The following NALCN variants were observed in gnomAD, a reference collection of about 807,000 sequenced individuals.
The protein encoded by NALCN is sodium leak channel, non-selective, also known as sodium leak channel NALCN.
NALCN carries 111 observed loss-of-function variants against 225.3 expected under a neutral mutation model. That is an observed-to-expected ratio of 0.49 (90% confidence interval 0.42 to 0.58). NALCN has a LOEUF of 0.58. NALCN is among the 20% of genes least tolerant of loss of function. NALCN has a pLI of 0.00. For missense variants in NALCN, 1,378 were observed against 2,202.4 expected (o/e 0.63, Z 7.49); for synonymous variants, 764 against 769.0 (o/e 0.99, Z 0.11).
chr13:101,120,977 C>T lies in NALCN; in HGVS notation c.2192+3631G>A, dbSNP rs114869464. On this transcript the variant is annotated intron_variant, in intron 18 of 43. Coordinates refer to ENST00000251127, the MANE Select transcript of NALCN (RefSeq NM_052867.4). ...AAACCCAAAACCTTACATATATCCA[C>T]CTCTCACTTATCCCTTCTGAGACAT... Among the ~76,000 whole-genome samples, 1,280 of 152,328 alleles carry T rather than the reference C, an allele frequency of 8.4e-3. 26 individuals are homozygous for T. Among genetic ancestry groups the T allele is most frequent in the African/African-American group, 0.028 (1,170 of 41,584 alleles).
intron 12 of NALCN, among the ~76,000 whole-genome samples, chr13:101,230,073 A>ACCTT (rs375039003): frequency 2.2e-4 from 33 of 152,188 alleles, no homozygotes; most frequent in African/African-American, 7.5e-4. Context: ...GCATACAACT[A>ACCTT]CCTTCAGGGA....
intron 15 of NALCN, among the ~76,000 whole-genome samples, chr13:101,171,326 A>C (rs944665873): frequency 4.0e-5 from 6 of 148,830 alleles, no homozygotes; most frequent in South Asian, 2.1e-4. Flanking sequence ...ATACGTATAG[A>C]TATTACATAT....
rs1451831756 is a variant in NALCN at position 101,229,578 on chromosome 13, G to A, written c.1441C>T (p.Arg481Ter). The A allele has an allele frequency of 5.7e-6, 9 of 1,580,056 alleles. No individual in the cohort carries two copies. Among genetic ancestry groups the A allele is most frequent in the African/African-American group, 1.4e-5 (1 of 73,526 alleles). Residue 481 changes from arginine (R) to a stop codon, truncating the protein, a stop_gained, in exon 13 of 44, where the codon CGA (arginine) becomes TGA (stop). Coordinates refer to ENST00000251127, the MANE Select transcript of NALCN (RefSeq NM_052867.4). LOFTEE classifies it high-confidence loss of function. ...HSQFTYFQVL[R>*]VVRLIKISPA... ...GAAATCTTAATCAGCCGAACTACTC[G>A]GAGAACCTATCAAGGGAGAGAGAAA...
At chr13:101,413,750 T>C (rs925909930) in intron 1 of NALCN, among the ~76,000 whole-genome samples, 4 of 151,404 alleles carry the variant, frequency 2.6e-5, no homozygotes, top group Admixed American at 1.3e-4. Context: ...ATTCAAAAAA[T>C]CAATTAAAAA....
chr13:101,095,535 C>T, intron 28 of NALCN, 39 bp downstream of exon 28: 2 of 1,514,494 alleles, frequency 1.3e-6, no homozygotes, highest in Non-Finnish European at 1.8e-6. Context: ...TACTGACAAA[C>T]ACACCATTCT....
Position 101,104,542 on chromosome 13 carries a change from T to C in NALCN, c.2745A>G (p.Ala915=). The C allele has an allele frequency of 6.2e-7, 1 of 1,613,982 alleles. No homozygotes were observed. ...CGGTAAGCGGTACCTGCAAAGTAGG[T>C]GCATGCATGACTCTTCGAAACGGGG... The part of the protein sequence containing the change: ...FESPFRRVMH[A]PTLQIAEYVF... The change falls in exon 24 of 44, where the codon GCA becomes GCG. Residue 915 remains alanine, a synonymous_variant. Transcript: ENST00000251127. The surrounding 1 kb of genome is among the most constrained non-coding windows in gnomAD (Gnocchi z 4.2).
intron 11 of NALCN, among the ~76,000 whole-genome samples, chr13:101,243,079 T>G (rs1312210689): frequency 2.7e-5 from 2 of 73,334 alleles, no homozygotes; most frequent in Admixed American, 1.4e-4. Context: ...GCTCTTTCAG[T>G]TTGCAGATTT....
chr13:101,395,912 A>T lies in NALCN; in HGVS notation c.109-547T>A, dbSNP rs1488314805. 2.6e-5 allele frequency among the ~76,000 whole-genome samples: 4 copies of T among 152,202 alleles called. No individual in the cohort carries two copies. The East Asian group carries it at 5.8e-4, about 22-fold the overall frequency. On this transcript the variant is annotated intron_variant, in intron 2 of 43. Coordinates refer to ENST00000251127, the MANE Select transcript of NALCN (RefSeq NM_052867.4). ...TTTTAAATGAATTGATATATAACAC[A>T]TCCCATATTTAGAATTTCCTTTCTA...
At chr13:101,086,357 C>T (rs982092680) in intron 30 of NALCN, among the ~76,000 whole-genome samples, 3 of 151,908 alleles carry the variant, frequency 2.0e-5, no homozygotes, top group Non-Finnish European at 2.9e-5. Context: ...ACCTATACCT[C>T]ATTAGTTTTT....
At chr13:101,101,827 C>T (rs190222195) in intron 26 of NALCN, among the ~76,000 whole-genome samples, 124 of 152,258 alleles carry the variant, frequency 8.1e-4, no homozygotes, top group Non-Finnish European at 9.0e-4. Context: ...ATAACCTAAA[C>T]ATATACCTAA....
At chr13:101,318,243 G>T (rs1175452350) in intron 7 of NALCN, among the ~76,000 whole-genome samples, 2 of 152,144 alleles carry the variant, frequency 1.3e-5, no homozygotes, top group Non-Finnish European at 2.9e-5. Context: ...GCCCACCAAG[G>T]TTGAGCCAGG....
At chr13:101,182,702 G>A (rs946947813) in intron 14 of NALCN, among the ~76,000 whole-genome samples, 1 of 152,106 alleles carries the variant, frequency 6.6e-6, no homozygotes, top group Non-Finnish European at 1.5e-5. Context: ...GTGATAAGGT[G>A]GCAACTGGCA....
At chr13:101,073,434 T>G in intron 37 of NALCN, 150 bp downstream of exon 37, 1 of 590,396 alleles carries the variant, frequency 1.7e-6, no homozygotes, top group Non-Finnish European at 2.8e-6. Flanking sequence ...TTGGAATGTA[T>G]AATAATGCAA....
At chr13:101,294,176 T>C (rs763627797) in intron 7 of NALCN, among the ~76,000 whole-genome samples, 4 of 152,198 alleles carry the variant, frequency 2.6e-5, no homozygotes, top group African/African-American at 4.8e-5. Flanking sequence ...ATATTTCTCT[T>C]GATTGAGACT....
At chr13:101,409,106 G>A (rs1026539123) in intron 1 of NALCN, among the ~76,000 whole-genome samples, 5 of 152,014 alleles carry the variant, frequency 3.3e-5, no homozygotes, top group African/African-American at 1.2e-4. Context: ...GGCCTTTAAA[G>A]TGATTGGGTT....
intron 13 of NALCN, among the ~76,000 whole-genome samples, chr13:101,225,967 TC>T (rs969020399): frequency 2.5e-4 from 38 of 151,892 alleles, no homozygotes; most frequent in Admixed American, 2.5e-3. Flanking sequence ...ACTCCCACAA[TC>T]AACCCAAGAC....
chr13:101,168,390 A>G (rs1333439489), intron 15 of NALCN, among the ~76,000 whole-genome samples: 1 of 152,160 alleles, frequency 6.6e-6, no homozygotes, highest in Non-Finnish European at 1.5e-5. Context: ...CAGGGAAAAT[A>G]TGACCAAACT....
intron 17 of NALCN, among the ~76,000 whole-genome samples, chr13:101,133,737 A>C (rs1566318143): frequency 6.6e-6 from 1 of 152,200 alleles, no homozygotes; most frequent in Non-Finnish European, 1.5e-5. Context: ...AAGGTGATTA[A>C]TGTGAGCATC....
intron 13 of NALCN, among the ~76,000 whole-genome samples, chr13:101,216,374 AAC>A (rs1159929409): frequency 6.6e-6 from 1 of 152,150 alleles, no homozygotes. Flanking sequence ...TTATTAACAA[AAC>A]ACACATCAAA....
Sources: gnomAD v4.1 joint callset for allele counts (sites outside exome capture counted in the v4.1 genomes callset) on GRCh38, gnomAD v4.1.1 for gene constraint, Gnocchi (gnomAD v3.1) non-coding constraint, MANE v1.5 for transcripts, NCBI Gene and HGNC (gene_info 2026-07-23, HGNC 2026-07-21) for gene names.